Variants in FYB1 observed in about 807,000 individuals in gnomAD.
FYB1 encodes the protein FYN-binding protein 1.
Under a neutral mutation model 94.1 loss-of-function variants are expected in FYB1, and 41 were observed. The ratio of observed to expected loss-of-function variants is 0.44; its 90% CI spans 0.34 to 0.57. The LOEUF (loss-of-function observed/expected upper bound fraction) is 0.57, where lower values mean the gene tolerates loss of function less well. Ranked by LOEUF, FYB1 falls within the 20% of genes least tolerant of loss-of-function variation. The pLI is 0.02. For missense variants in FYB1, 1,050 were observed against 976.8 expected (o/e 1.07, Z -1.00); for synonymous variants, 367 against 353.2 (o/e 1.04, Z -0.44).
chr5:39,273,728 G>T (rs982763070), intron 1 of FYB1, among the ~76,000 whole-genome samples: 1 of 152,162 alleles, frequency 6.6e-6, no homozygotes, highest in Non-Finnish European at 1.5e-5. Context: ...TGCAATGAAT[G>T]AGTCTGCCCC....
At chr5:39,120,550 T>C (rs1161860758) in intron 14 of FYB1, among the ~76,000 whole-genome samples, 1 of 152,160 alleles carries the variant, frequency 6.6e-6, no homozygotes, top group Admixed American at 6.6e-5. Flanking sequence ...TAATTTAGTC[T>C]GAGCAAGGTC....
intron 2 of FYB1, among the ~76,000 whole-genome samples, chr5:39,184,820 A>G (rs771099328): frequency 6.6e-6 from 1 of 152,114 alleles, no homozygotes; most frequent in Non-Finnish European, 1.5e-5. Context: ...AGGTTTTAAA[A>G]CTAGTATGCT....
intron 1 of FYB1, among the ~76,000 whole-genome samples, chr5:39,240,478 C>T (rs1447065073): frequency 1.3e-5 from 2 of 149,290 alleles, no homozygotes; most frequent in African/African-American, 4.9e-5. Flanking sequence ...ACTTAACAAG[C>T]CAAAATCAAT....
intron 1 of FYB1, among the ~76,000 whole-genome samples, chr5:39,234,247 G>A (rs1325215200): frequency 6.6e-6 from 1 of 152,034 alleles, no homozygotes; most frequent in Non-Finnish European, 1.5e-5. Flanking sequence ...AATTGTATTT[G>A]TGTTTTTATT....
At chr5:39,122,145 G>A (rs1430378756) in intron 14 of FYB1, among the ~76,000 whole-genome samples, 191 bp downstream of exon 14, 2 of 152,050 alleles carry the variant, frequency 1.3e-5, no homozygotes, top group East Asian at 3.9e-4. Context: ...CAAAGGATTT[G>A]GGCTATCTAC....
chr5:39,207,100 T>C (rs555377357), intron 1 of FYB1, among the ~76,000 whole-genome samples: 1 of 152,204 alleles, frequency 6.6e-6, no homozygotes, highest in Non-Finnish European at 1.5e-5. Flanking sequence ...TACTTATTCA[T>C]CAGAGGATGT....
At chr5:39,171,009 T>G (rs1345758206) in intron 2 of FYB1, among the ~76,000 whole-genome samples, 1 of 152,164 alleles carries the variant, frequency 6.6e-6, no homozygotes, top group African/African-American at 2.4e-5. Context: ...ATTTTTAGAC[T>G]GGGCACGGTG....
chr5:39,129,562 C>T (rs2150306697), intron 10 of FYB1, among the ~76,000 whole-genome samples: 1 of 151,928 alleles, frequency 6.6e-6, no homozygotes, highest in South Asian at 2.1e-4. Context: ...CTATTCATCT[C>T]AAAAGGGATG....
Position 39,259,311 on chromosome 5 carries a change from G to C in FYB1, c.-28+15092C>G, listed in dbSNP as rs138143004. Among the ~76,000 whole-genome samples, 342 of 152,328 alleles carry C rather than the reference G, an allele frequency of 2.2e-3. 9 individuals carry two copies. In the South Asian group the frequency reaches 0.055, roughly 24 times the overall value. ...ACCCAGTTCCAGAACAAGAAACCCT[G>C]GACTAAGTACAGCACAGCACCAGGA... is the stretch of plus-strand genomic sequence containing the variant. On this transcript the variant is annotated intron_variant, in intron 1 of 1. Transcript: ENST00000510188.
At position 39,201,825 on chromosome 5, in the gene FYB1, CTG is replaced by C. The variant is rs1263347371; in HGVS notation, c.1134_1135del (p.Asn378LysfsTer3). 1 of 1,607,472 alleles carries C rather than the reference CTG, an allele frequency of 6.2e-7. No homozygotes were observed. The highest frequency in any genetic ancestry group is 1.3e-5 in the African/African-American group (1 of 74,712). On this transcript the variant is annotated frameshift_variant and splice_region_variant, in exon 2 of 19. Coordinates refer to ENST00000512982, the MANE Select transcript of FYB1 (RefSeq NM_001465.6). LOFTEE classifies it high-confidence loss of function. ...GAATAGCAAACGAGAAAAGAACTCA[CTG>C]TTTCCAGAAGAGGTTTTGTGGAATT...
chr5:39,111,655 G>C (rs1739088606), intron 16 of FYB1, among the ~76,000 whole-genome samples: 1 of 151,738 alleles, frequency 6.6e-6, no homozygotes. Flanking sequence ...ATTTGGGAAA[G>C]AAAGAATCAA....
intron 2 of FYB1, among the ~76,000 whole-genome samples, chr5:39,174,730 T>C: frequency 6.6e-6 from 1 of 152,356 alleles, no homozygotes; most frequent in East Asian, 1.9e-4. Flanking sequence ...GCTCTTTCTC[T>C]CTTTTTAGTT....
In FYB1 at chr5:39,148,463, A is replaced by T. The variant is rs143348811; in HGVS notation, c.1292+4985T>A. 1.5e-3 allele frequency among the ~76,000 whole-genome samples: 169 copies of T among 112,870 alleles called. 7 individuals are homozygous for T. The East Asian group carries it at 0.046, about 31-fold the overall frequency. 74.0% of individuals were successfully genotyped at this position (112,870 alleles called of 152,430 possible). A position where few individuals can be genotyped will look rare whatever the true frequency, so the allele number is the denominator to read the frequency against. On this transcript the variant is annotated intron_variant, in intron 3 of 18. Coordinates refer to ENST00000512982, the MANE Select transcript of FYB1 (RefSeq NM_001465.6). The stretch of plus-strand genomic sequence containing the variant: ...TACATGACACATTAAACTTTGTTCT[A>T]TACCTGCCTTACTGGGAGTAAAATC...
chr5:39,115,813 A>G (rs1167232082), intron 16 of FYB1, among the ~76,000 whole-genome samples: 7 of 152,230 alleles, frequency 4.6e-5, no homozygotes, highest in Non-Finnish European at 8.8e-5. Context: ...TCATGAAATA[A>G]TACTTAACCC....
rs70982547 is a variant in FYB1, at chr5:39,176,137, GTTTTTTTTTTTTT to G, written c.1136-22546_1136-22534del. Among the ~76,000 whole-genome samples the G allele has an allele frequency of 3.6e-4, 22 of 61,662 alleles. 1 individual carries two copies. In the South Asian group the frequency reaches 4.2e-3, roughly 12 times the overall value. The allele number at this position is 61,662 out of a possible 152,430, so 40.5% of individuals were successfully genotyped here. ...GAGAATCCCAAGTCATTTTTTTTCT[GTTTTTTTTTTTTT>G]TTTTTTTTTTTTTTTTTAAAGACAG... On this transcript the variant is annotated intron_variant, in intron 2 of 18. Coordinates refer to ENST00000512982, the MANE Select transcript of FYB1 (RefSeq NM_001465.6).
chr5:39,145,389 C>G (rs375018686), intron 3 of FYB1, among the ~76,000 whole-genome samples: 8 of 151,872 alleles, frequency 5.3e-5, no homozygotes, highest in African/African-American at 1.9e-4. Flanking sequence ...TATGAAACAT[C>G]GCAAGAAGTT....
Position 39,119,038 on chromosome 5 carries a change from T to TAAA in FYB1, c.2239-5_2239-3dup. The TAAA allele has an allele frequency of 8.7e-7, 1 of 1,148,336 alleles. No individual in the cohort carries two copies. Among genetic ancestry groups the TAAA allele is most frequent in the Non-Finnish European group, 1.2e-6 (1 of 859,588 alleles). The allele number at this position is 1,148,336 out of a possible 1,614,324, so 71.1% of individuals were successfully genotyped here. A position where few individuals can be genotyped will look rare whatever the true frequency, so the allele number is the denominator to read the frequency against. On this transcript the variant is annotated splice_polypyrimidine_tract_variant and splice_region_variant and intron_variant, in intron 15 of 18. Coordinates refer to ENST00000512982, the MANE Select transcript of FYB1 (RefSeq NM_001465.6). ...TAGGACTCTAATTTCACCATCATAC[T>TAAA]AAAAAAAAAAGAACAATATTTAAAT...
chr5:39,258,445 C>T (rs1752063398), intron 1 of FYB1, among the ~76,000 whole-genome samples: 1 of 151,982 alleles, frequency 6.6e-6, no homozygotes, highest in Non-Finnish European at 1.5e-5. Flanking sequence ...AATAAAAATA[C>T]AAAAATTATG....
At chr5:39,222,054 G>T (rs112994102), upstream of FYB1, among the ~76,000 whole-genome samples, 2 of 151,826 alleles carry the variant, frequency 1.3e-5, no homozygotes, top group African/African-American at 4.8e-5. Context: ...AAAATAAAAT[G>T]AAATAATCCT....
Sources: allele counts gnomAD v4.1 joint callset (sites outside exome capture counted in the v4.1 genomes callset), GRCh38; gene constraint gnomAD v4.1.1; transcripts MANE v1.5; gene names NCBI Gene and HGNC (gene_info 2026-07-23, HGNC 2026-07-21).